The following TEX14 variants were observed in gnomAD, a reference collection of about 807,000 sequenced individuals.
TEX14 encodes inactive serine/threonine-protein kinase TEX14.
Under a neutral mutation model 178.6 loss-of-function variants are expected in TEX14, and 168 were observed. That is an observed-to-expected ratio of 0.94 (90% CI 0.83 to 1.07). The LOEUF (loss-of-function observed/expected upper bound fraction) is 1.07, where lower values mean the gene tolerates loss of function less well. Ranked by LOEUF, TEX14 falls within the 50% of genes least tolerant of loss-of-function variation. The probability of loss-of-function intolerance (pLI) is 0.00; values close to 1 mark genes in which losing one functional copy is unlikely to be tolerated. For synonymous variants in TEX14, 626 were observed against 634.1 expected, an observed-to-expected ratio of 0.99 and a Z score of 0.19; for missense variants, 1,730 against 1,753.6, an observed-to-expected ratio of 0.99 and a Z score of 0.24.
intron 19 of TEX14, among the ~76,000 whole-genome samples, chr17:58,580,738 TAAGTA>T (rs1439191543): frequency 6.6e-6 from 1 of 152,092 alleles, no homozygotes; most frequent in African/African-American, 2.4e-5. Flanking sequence ...GGGTGGAAAA[TAAGTA>T]AATAAGAGAA....
chr17:58,628,354 G>A (rs1174438111), intron 3 of TEX14, among the ~76,000 whole-genome samples: 1 of 151,930 alleles, frequency 6.6e-6, no homozygotes, highest in African/African-American at 2.4e-5. Flanking sequence ...TGAGGCGGGC[G>A]GACCATGAGG....
At chr17:58,654,610 G>A (rs75030965) in intron 1 of TEX14, among the ~76,000 whole-genome samples, 95 of 150,342 alleles carry the variant, frequency 6.3e-4, no homozygotes, top group East Asian at 2.4e-3. Flanking sequence ...GGGTTCAAAC[G>A]ATTCTCAGAC....
chr17:58,584,943 C>G (rs1169850540), intron 18 of TEX14, among the ~76,000 whole-genome samples: 1 of 152,182 alleles, frequency 6.6e-6, no homozygotes, highest in African/African-American at 2.4e-5. Context: ...TATCCATGCC[C>G]TGATTATAAG....
At chr17:58,594,540 A>G (rs993814514) in intron 14 of TEX14, among the ~76,000 whole-genome samples, 1 of 151,802 alleles carries the variant, frequency 6.6e-6, no homozygotes, top group Non-Finnish European at 1.5e-5. Context: ...TCTAGTAGAG[A>G]CGTGGTTTCA....
chr17:58,589,610 T>C (rs1390049610), intron 15 of TEX14, among the ~76,000 whole-genome samples: 3 of 143,928 alleles, frequency 2.1e-5, no homozygotes, highest in East Asian at 2.0e-4. Flanking sequence ...ATGAATTCCC[T>C]GTTATCTAGA....
intron 1 of TEX14, chr17:58,660,855 G>A (rs762148782): frequency 5.0e-6 from 4 of 792,390 alleles, no homozygotes; most frequent in East Asian, 2.4e-5. Context: ...GCCATGTTCC[G>A]AGTGAGAATG....
chr17:58,619,389 C>T (rs1424194415), intron 5 of TEX14, among the ~76,000 whole-genome samples: 2 of 152,198 alleles, frequency 1.3e-5, no homozygotes, highest in Non-Finnish European at 2.9e-5. Flanking sequence ...CAACTCAGTG[C>T]TTTTCTTCTT....
intron 8 of TEX14, 144 bp from the exon 9 acceptor site, chr17:58,613,688 T>G (rs2045803115): frequency 2.1e-6 from 2 of 931,640 alleles, no homozygotes; most frequent in Non-Finnish European, 3.1e-6. Flanking sequence ...TGACACAGAG[T>G]CTCACTGTAT....
At chr17:58,598,804 G>GA in intron 14 of TEX14, 72 bp downstream of exon 14, 6 of 1,391,574 alleles carry the variant, frequency 4.3e-6, no homozygotes, top group Non-Finnish European at 5.9e-6. Context: ...AGACTTGGGT[G>GA]AAAGGTTTCC....
chr17:58,659,428 C>G, intron 1 of TEX14: 2 of 489,512 alleles, frequency 4.1e-6, no homozygotes, highest in Non-Finnish European at 5.3e-6. Flanking sequence ...TATGACACAT[C>G]TCAGACTACA....
intron 9 of TEX14, among the ~76,000 whole-genome samples, chr17:58,612,434 T>G (rs1283980093): frequency 1.3e-5 from 2 of 151,952 alleles, no homozygotes; most frequent in Admixed American, 6.6e-5. Flanking sequence ...ATTAAAATTT[T>G]AAAAATTAGC....
At chr17:58,566,044 C>G (rs2044391003) in intron 26 of TEX14, among the ~76,000 whole-genome samples, 1 of 152,126 alleles carries the variant, frequency 6.6e-6, no homozygotes, top group Non-Finnish European at 1.5e-5. Flanking sequence ...TCATGTGATT[C>G]TGATGTCTGA....
At chr17:58,598,812 TCCAG>T (rs2045355775) in intron 14 of TEX14, 60 bp downstream of exon 14, 14 of 1,440,300 alleles carry the variant, frequency 9.7e-6, no homozygotes, top group Non-Finnish European at 1.3e-5. Context: ...GTGAAAGGTT[TCCAG>T]CCACAACCAT....
intron 1 of TEX14, among the ~76,000 whole-genome samples, chr17:58,676,406 C>A (rs560913764): frequency 1.3e-5 from 2 of 148,514 alleles, no homozygotes; most frequent in East Asian, 2.0e-4. Context: ...AAAAAAAACA[C>A]AAAAAAACCC....
At chr17:58,585,699 G>A (rs1197059112) in intron 18 of TEX14, 102 bp downstream of exon 18, 33 of 1,078,050 alleles carry the variant, frequency 3.1e-5, no homozygotes, top group East Asian at 2.1e-4. Flanking sequence ...CAGGTGATCC[G>A]CTCGCCTCAC....
chr17:58,689,936 G>A lies in TEX14; in HGVS notation c.-2+2003C>T, dbSNP rs1042758512. On this transcript the variant is annotated intron_variant, in intron 1 of 31. Transcript: ENST00000349033. ...GTGATCTAGGCTCACTGCAAGCTCC[G>A]CCTCCTGGGTTCATGCAATTCTCCT... Among the ~76,000 whole-genome samples the A allele has an allele frequency of 5.5e-5, 8 of 144,206 alleles. No homozygotes were observed. In the East Asian group the frequency reaches 1.5e-3, roughly 27 times the overall value. 94.6% of individuals were successfully genotyped at this position (144,206 alleles called of 152,430 possible). A position where few individuals can be genotyped will look rare whatever the true frequency, so the allele number is the denominator to read the frequency against.
chr17:58,619,400 T>C (rs767013045), intron 5 of TEX14, among the ~76,000 whole-genome samples: 92 of 152,304 alleles, frequency 6.0e-4, no homozygotes, highest in South Asian at 1.4e-3. Flanking sequence ...TTTTCTTCTT[T>C]CCCCAGTCCA....
intron 26 of TEX14, chr17:58,567,864 A>G (rs2044435308): frequency 1.3e-5 from 2 of 152,280 alleles, no homozygotes; most frequent in African/African-American, 4.8e-5. Context: ...AAAGTCTGGT[A>G]ACACAGCTGC....
intron 19 of TEX14, among the ~76,000 whole-genome samples, chr17:58,581,331 A>G (rs866752121): frequency 2.6e-5 from 4 of 152,036 alleles, no homozygotes; most frequent in Middle Eastern, 3.4e-3. Flanking sequence ...AAAAAAAAAA[A>G]GTTTTGAAAA....
Sources: gnomAD v4.1 joint callset for allele counts (sites outside exome capture counted in the v4.1 genomes callset) on GRCh38, gnomAD v4.1.1 for gene constraint, MANE v1.5 for transcripts, NCBI Gene and HGNC (gene_info 2026-07-23, HGNC 2026-07-21) for gene names.